CACNB4: variants seen among roughly 807,000 people sequenced by gnomAD.
The protein encoded by CACNB4 is voltage-dependent L-type calcium channel subunit beta-4.
CACNB4 carries 32 observed loss-of-function variants against 71.2 expected under a neutral mutation model. The observed-to-expected ratio is 0.45, with a 90% CI of 0.34 to 0.60. The LOEUF is 0.60. CACNB4 is among the 20% of genes least tolerant of loss of function. The pLI is 0.01. For missense variants in CACNB4, 464 were observed against 647.9 expected (o/e 0.72, Z 3.08); for synonymous variants, 231 against 236.9 (o/e 0.97, Z 0.23).
At chr2:152,094,979 G>A (rs977805797) in intron 2 of CACNB4, among the ~76,000 whole-genome samples, 3 of 152,218 alleles carry the variant, frequency 2.0e-5, no homozygotes, top group Non-Finnish European at 4.4e-5. Flanking sequence ...CCAATGAAGA[G>A]TGAGAACACT....
chr2:151,964,762 A>T (rs2099870618), intron 2 of CACNB4, among the ~76,000 whole-genome samples: 1 of 152,202 alleles, frequency 6.6e-6, no homozygotes, highest in African/African-American at 2.4e-5. Context: ...ATTATGTTTT[A>T]CGTACCAAAT....
chr2:151,872,567 T>G (rs768110039), intron 5 of CACNB4, 74 bp from the exon 6 acceptor site: 17 of 788,360 alleles, frequency 2.2e-5, no homozygotes, highest in Non-Finnish European at 3.5e-5. Flanking sequence ...TACAAAGCTT[T>G]CTTTGGCCCT....
chr2:151,894,233 G>A (rs192765525), intron 2 of CACNB4, among the ~76,000 whole-genome samples: 22 of 152,208 alleles, frequency 1.4e-4, no homozygotes, highest in African/African-American at 5.1e-4. Context: ...CAAATATCAC[G>A]TGGGATTTAT....
At chr2:152,057,841 C>T (rs1685803460) in intron 2 of CACNB4, among the ~76,000 whole-genome samples, 1 of 152,062 alleles carries the variant, frequency 6.6e-6, no homozygotes, top group Non-Finnish European at 1.5e-5. Context: ...TTTATTTTTC[C>T]AAGGACATAC....
At chr2:151,956,138 T>A (rs528782916) in intron 2 of CACNB4, among the ~76,000 whole-genome samples, 3 of 152,354 alleles carry the variant, frequency 2.0e-5, no homozygotes, top group Admixed American at 2.0e-4. Flanking sequence ...TAAAACACCT[T>A]GTATCTTCGA....
chr2:151,923,817 A>G (rs2099859542), intron 2 of CACNB4, among the ~76,000 whole-genome samples: 1 of 152,142 alleles, frequency 6.6e-6, no homozygotes, highest in South Asian at 2.1e-4. Context: ...CACGACTAAA[A>G]TGTGGAAGAC....
intron 2 of CACNB4, among the ~76,000 whole-genome samples, chr2:152,090,740 T>A (rs536782298): frequency 6.6e-6 from 1 of 152,022 alleles, no homozygotes; most frequent in Non-Finnish European, 1.5e-5. Context: ...GGATAAATAT[T>A]TATTCTACAG....
chr2:151,885,415 G>A (rs551955179), intron 2 of CACNB4, among the ~76,000 whole-genome samples: 1 of 152,260 alleles, frequency 6.6e-6, no homozygotes, highest in Admixed American at 6.5e-5. Flanking sequence ...AGGTAGTTCA[G>A]CCTTAGAGCC....
intron 4 of CACNB4, among the ~76,000 whole-genome samples, chr2:151,878,625 A>G (rs2151437394): frequency 1.1e-5 from 1 of 93,776 alleles, no homozygotes; most frequent in South Asian, 5.3e-4. Context: ...AGTGTACTAC[A>G]CAATACTACA....
At chr2:151,961,456 C>A (rs2099869623) in intron 2 of CACNB4, among the ~76,000 whole-genome samples, 1 of 152,196 alleles carries the variant, frequency 6.6e-6, no homozygotes, top group Non-Finnish European at 1.5e-5. Context: ...TTCGTCAAAG[C>A]AACAGTACAG....
At position 151,871,589 on chromosome 2, in the gene CACNB4, G is replaced by GT. The variant is rs2099844649; in HGVS notation, c.599-729dup. The GT allele has an allele frequency of 2.0e-5, 3 of 152,508 alleles. No homozygotes were observed. In the South Asian group the frequency reaches 6.2e-4, roughly 32 times the overall value. 9.4% of individuals were successfully genotyped at this position (152,508 alleles called of 1,614,324 possible). On this transcript the variant is annotated intron_variant, in intron 6 of 13. Coordinates refer to ENST00000539935, the MANE Select transcript of CACNB4 (RefSeq NM_000726.5). ...TAGTTGGGTACAACTCAGAAACCTGGTTTGGTTCAGTGTCCTGTAGATAAG... is the reference window on the plus strand; with the variant it reads ...TAGTTGGGTACAACTCAGAAACCTGGTTTTGGTTCAGTGTCCTGTAGATAAG...
At chr2:152,035,865 A>T (rs1294053350) in intron 2 of CACNB4, among the ~76,000 whole-genome samples, 2 of 152,154 alleles carry the variant, frequency 1.3e-5, no homozygotes, top group African/African-American at 2.4e-5. Flanking sequence ...AAAACTGTTA[A>T]ATGTGCACAC....
chr2:152,031,009 A>C (rs1419372667), intron 2 of CACNB4, among the ~76,000 whole-genome samples: 1 of 152,238 alleles, frequency 6.6e-6, no homozygotes, highest in African/African-American at 2.4e-5. Context: ...AGTGGATACA[A>C]GCAGTCCAGG....
rs186466603 is a variant in CACNB4, at chr2:152,011,046, C to G, written c.147+87284G>C. On this transcript the variant is annotated intron_variant, in intron 2 of 13. Coordinates refer to ENST00000539935, the MANE Select transcript of CACNB4 (RefSeq NM_000726.5). ...TGATCAAAGAAAACAGAAATAGGGT[C>G]GAAGAAAATCAAAACTAGAGGGAGA... Among the ~76,000 whole-genome samples the G allele has an allele frequency of 1.3e-4, 20 of 152,030 alleles. No homozygotes were observed. In the East Asian group the frequency reaches 3.1e-3, roughly 23 times the overall value.
intron 2 of CACNB4, among the ~76,000 whole-genome samples, chr2:152,036,773 C>T (rs1245509180): frequency 6.6e-6 from 1 of 152,112 alleles, no homozygotes; most frequent in Non-Finnish European, 1.5e-5. Context: ...AGTATTCTGT[C>T]TTATTTTGGA....
At chr2:151,905,077 C>T (rs1273336769) in intron 2 of CACNB4, among the ~76,000 whole-genome samples, 6 of 152,130 alleles carry the variant, frequency 3.9e-5, no homozygotes, top group African/African-American at 1.4e-4. Flanking sequence ...TGGCTGTCAG[C>T]CTCTCAGCAT....
At chr2:152,036,305 ATGTTT>A (rs1192175044) in intron 2 of CACNB4, among the ~76,000 whole-genome samples, 1 of 152,116 alleles carries the variant, frequency 6.6e-6, no homozygotes, top group Admixed American at 6.6e-5. Context: ...GCTAAATTTT[ATGTTT>A]TGTTTTGTTT....
chr2:151,921,180 A>T, intron 2 of CACNB4, among the ~76,000 whole-genome samples: 1 of 54,814 alleles, frequency 1.8e-5, no homozygotes, highest in African/African-American at 4.1e-5. Flanking sequence ...TAAATAAATA[A>T]ATAAGTTAAA....
chr2:152,069,099 G>A (rs112641535), intron 2 of CACNB4, among the ~76,000 whole-genome samples: 25 of 152,272 alleles, frequency 1.6e-4, no homozygotes, highest in African/African-American at 5.3e-4. Context: ...AACAGATGCC[G>A]GTGAATAAAT....
Sources: gnomAD v4.1 joint callset for allele counts (sites outside exome capture counted in the v4.1 genomes callset) on GRCh38, gnomAD v4.1.1 for gene constraint, MANE v1.5 for transcripts, NCBI Gene and HGNC (gene_info 2026-07-23, HGNC 2026-07-21) for gene names.